DCPH1: variants seen among roughly 807,000 people sequenced by gnomAD.
DCPH1 encodes the protein damage-control phosphatase 1.
the DCPH1 span, among the ~76,000 whole-genome samples, chr6:151,461,058 C>A: frequency 2.6e-5 from 4 of 152,174 alleles, no homozygotes; most frequent in Non-Finnish European, 5.9e-5. Context: ...AGATTAGTGT[C>A]CTTATTCAGC....
At chr6:151,461,283 C>G in the DCPH1 span, among the ~76,000 whole-genome samples, 1 of 152,140 alleles carries the variant, frequency 6.6e-6, no homozygotes, top group Non-Finnish European at 1.5e-5. Flanking sequence ...AGAGGTTGAT[C>G]AGGTTCAGAG....
chr6:151,468,520 A>C, the DCPH1 span: 1 of 1,613,868 alleles, frequency 6.2e-7, no homozygotes, highest in Non-Finnish European at 8.5e-7. Flanking sequence ...AGCTTCTGCT[A>C]CTAGAGTGTA....
chr6:151,468,965 C>T, the DCPH1 span: 1 of 1,614,222 alleles, frequency 6.2e-7, no homozygotes, highest in Non-Finnish European at 8.5e-7. Flanking sequence ...GGCTTCCATC[C>T]TGCACCACTC....
At chr6:151,467,898 C>T in the DCPH1 span, among the ~76,000 whole-genome samples, 43 of 152,254 alleles carry the variant, frequency 2.8e-4, no homozygotes, top group Admixed American at 2.4e-3. Context: ...AGAGGTGTCA[C>T]GTCCTAAGGT....
chr6:151,458,277 A>G, the DCPH1 span: 1 of 1,563,750 alleles, frequency 6.4e-7, no homozygotes, highest in Non-Finnish European at 8.7e-7. Context: ...CCCTAGAGGA[A>G]TTGCACAGAC....
the DCPH1 span, chr6:151,469,345 A>G: frequency 2.6e-6 from 1 of 391,052 alleles, no homozygotes; most frequent in Non-Finnish European, 4.5e-6. Context: ...TTATATTGGA[A>G]TTTTAGCAAC....
At chr6:151,454,619 G>A in the DCPH1 span, 4 of 1,575,526 alleles carry the variant, frequency 2.5e-6, no homozygotes, top group Non-Finnish European at 3.5e-6. Context: ...ACATTGCATC[G>A]ACATAAAAGT....
At chr6:151,459,543 A>G in the DCPH1 span, among the ~76,000 whole-genome samples, 4 of 152,130 alleles carry the variant, frequency 2.6e-5, no homozygotes, top group African/African-American at 9.6e-5. Flanking sequence ...TGGAATCCCA[A>G]CACTTTGGGA....
chr6:151,469,047 C>T, the DCPH1 span: 7 of 1,614,094 alleles, frequency 4.3e-6, no homozygotes, highest in Middle Eastern at 1.7e-4. Context: ...AGCTCCTGGC[C>T]TCTGAGCCCA....
At chr6:151,465,090 G>T in the DCPH1 span, among the ~76,000 whole-genome samples, 3 of 152,222 alleles carry the variant, frequency 2.0e-5, no homozygotes, top group African/African-American at 7.2e-5. Flanking sequence ...TGCATGTGAA[G>T]TGCTGAGCAC....
chr6:151,467,794 CT>C, the DCPH1 span, among the ~76,000 whole-genome samples: 3 of 152,060 alleles, frequency 2.0e-5, no homozygotes, highest in African/African-American at 4.8e-5. Context: ...TACAATGGGT[CT>C]TTAGTTAACA....
chr6:151,463,959 C>A, the DCPH1 span, among the ~76,000 whole-genome samples: 7 of 152,324 alleles, frequency 4.6e-5, no homozygotes, highest in South Asian at 6.2e-4. Context: ...CTAAAACTTA[C>A]AATAGTATTG....
chr6:151,468,558 G>C, the DCPH1 span: 2 of 1,614,060 alleles, frequency 1.2e-6, no homozygotes, highest in Non-Finnish European at 1.7e-6. Flanking sequence ...CTGGATTTGA[G>C]CTTGTTACAG....
At chr6:151,454,857 TGTCA>T in the DCPH1 span, among the ~76,000 whole-genome samples, 1 of 152,230 alleles carries the variant, frequency 6.6e-6, no homozygotes, top group Non-Finnish European at 1.5e-5. Flanking sequence ...TAATTAATTC[TGTCA>T]GTTATTTAGA....
At chr6:151,454,621 C>A in the DCPH1 span, 1 of 1,574,910 alleles carries the variant, frequency 6.3e-7, no homozygotes, top group Admixed American at 1.8e-5. Context: ...ATTGCATCGA[C>A]ATAAAAGTGA....
chr6:151,453,376 G>A, the DCPH1 span, among the ~76,000 whole-genome samples: 2 of 152,182 alleles, frequency 1.3e-5, no homozygotes, highest in Non-Finnish European at 2.9e-5. Flanking sequence ...CTCAAAAAAG[G>A]ACTTACTATA....
the DCPH1 span, among the ~76,000 whole-genome samples, chr6:151,463,381 C>T: frequency 2.0e-5 from 3 of 152,174 alleles, no homozygotes; most frequent in East Asian, 1.9e-4. Flanking sequence ...TTTGATCACA[C>T]ACCTCATTCT....
chr6:151,453,189 A>T, the DCPH1 span, among the ~76,000 whole-genome samples: 2 of 152,214 alleles, frequency 1.3e-5, no homozygotes, highest in African/African-American at 4.8e-5. Context: ...AGTGGCGCCA[A>T]TGGCCCCAAA....
At chr6:151,452,584 G>A in the DCPH1 span, 5 of 1,610,456 alleles carry the variant, frequency 3.1e-6, no homozygotes, top group Non-Finnish European at 3.4e-6. Flanking sequence ...GACAGGACGT[G>A]GGGTTAGTCT....
Sources: gnomAD v4.1 joint callset for allele counts (sites outside exome capture counted in the v4.1 genomes callset) on GRCh38, gnomAD v4.1.1 for gene constraint, MANE v1.5 for transcripts, NCBI Gene and HGNC (gene_info 2026-07-23, HGNC 2026-07-21) for gene names.